Variants in NEDD4L observed in about 807,000 individuals in gnomAD.
NEDD4L encodes NEDD4 like E3 ubiquitin protein ligase.
Under a neutral mutation model 148.9 loss-of-function variants are expected in NEDD4L, and 54 were observed. The ratio of observed to expected loss-of-function variants is 0.36; its 90% CI spans 0.29 to 0.45. The LOEUF (loss-of-function observed/expected upper bound fraction) is 0.45. Ranked by LOEUF, NEDD4L falls within the 20% of genes least tolerant of loss-of-function variation. NEDD4L has a pLI of 1.00. For missense variants in NEDD4L, 856 were observed against 1,233.8 expected (o/e 0.69, Z 4.59); for synonymous variants, 433 against 440.7 (o/e 0.98, Z 0.22).
At chr18:58,276,127 T>A (rs1186221441) in intron 5 of NEDD4L, among the ~76,000 whole-genome samples, 2 of 152,156 alleles carry the variant, frequency 1.3e-5, no homozygotes, top group African/African-American at 4.8e-5. Context: ...ATTTGCAGTT[T>A]TTAAAACAAC....
At chr18:58,225,245 C>CT (rs1200613634) in intron 2 of NEDD4L, among the ~76,000 whole-genome samples, 1 of 152,094 alleles carries the variant, frequency 6.6e-6, no homozygotes, top group Admixed American at 6.5e-5. Context: ...AGAGATATTG[C>CT]CATTAAAAGT....
intron 2 of NEDD4L, among the ~76,000 whole-genome samples, chr18:58,213,859 A>G (rs1177625523): frequency 6.6e-6 from 1 of 151,926 alleles, no homozygotes; most frequent in African/African-American, 2.4e-5. Context: ...TCTTTGGTTT[A>G]TTCTGAGACC....
chr18:58,050,526 C>T (rs772105631), intron 1 of NEDD4L, among the ~76,000 whole-genome samples: 2 of 151,856 alleles, frequency 1.3e-5, no homozygotes, highest in Non-Finnish European at 2.9e-5. Flanking sequence ...TTTGGGAGGC[C>T]GAGGCTGGAG....
intron 1 of NEDD4L, among the ~76,000 whole-genome samples, chr18:58,061,938 T>C (rs2082354042): frequency 4.0e-5 from 2 of 50,610 alleles, no homozygotes; most frequent in Non-Finnish European, 9.8e-5. Context: ...CCACTTTTAC[T>C]GGTTATTTTC....
At chr18:58,062,936 C>T (rs369140137) in intron 1 of NEDD4L, among the ~76,000 whole-genome samples, 2 of 147,232 alleles carry the variant, frequency 1.4e-5, no homozygotes, top group South Asian at 2.1e-4. Flanking sequence ...TGCAGTTAGC[C>T]GAGATTGTGC....
At chr18:58,265,548 G>A (rs1479901503) in intron 5 of NEDD4L, among the ~76,000 whole-genome samples, 1 of 151,980 alleles carries the variant, frequency 6.6e-6, no homozygotes, top group Non-Finnish European at 1.5e-5. Flanking sequence ...CTGGAACAGA[G>A]AGGATGAAGC....
At chr18:58,316,110 G>C in intron 6 of NEDD4L, 78 bp downstream of exon 6, 1 of 1,185,772 alleles carries the variant, frequency 8.4e-7, no homozygotes, top group Non-Finnish European at 1.2e-6. Flanking sequence ...TATTTTCAGA[G>C]TGGCATTTCT....
At chr18:58,123,771 C>CT (rs1163514284) in intron 1 of NEDD4L, among the ~76,000 whole-genome samples, 3 of 152,048 alleles carry the variant, frequency 2.0e-5, no homozygotes, top group Non-Finnish European at 2.9e-5. Flanking sequence ...GGAAAGAAGC[C>CT]GTTCAGTCAG....
intron 1 of NEDD4L, among the ~76,000 whole-genome samples, chr18:58,138,299 A>C (rs1048688494): frequency 1.4e-5 from 2 of 139,610 alleles, no homozygotes; most frequent in Middle Eastern, 3.8e-3. Context: ...ATGCTGAGGC[A>C]TTGCTGGGTG....
chr18:58,235,292 TTA>T (rs900761298), intron 2 of NEDD4L, among the ~76,000 whole-genome samples: 1 of 152,178 alleles, frequency 6.6e-6, no homozygotes, highest in Non-Finnish European at 1.5e-5. Flanking sequence ...TTATTGTTGC[TTA>T]CTCACTTGAA....
chr18:58,081,256 T>C (rs1460132827), intron 1 of NEDD4L, among the ~76,000 whole-genome samples: 3 of 143,336 alleles, frequency 2.1e-5, no homozygotes, highest in Non-Finnish European at 1.5e-5. Flanking sequence ...CGCTCTGTCG[T>C]CTGGGCTGGA....
intron 1 of NEDD4L, among the ~76,000 whole-genome samples, chr18:58,137,313 CTGTG>C (rs2032957983): frequency 6.6e-6 from 1 of 152,182 alleles, no homozygotes; most frequent in African/African-American, 2.4e-5. Context: ...GAAATGAGTT[CTGTG>C]TGTTTTTCAG....
rs574870065 is a variant in NEDD4L, at chr18:58,193,313, C to A, written c.122+27452C>A. Among the ~76,000 whole-genome samples, 11 of 152,258 alleles carry A rather than the reference C, an allele frequency of 7.2e-5. No individual in the cohort carries two copies. In the East Asian group the frequency reaches 2.1e-3, roughly 29 times the overall value. On this transcript the variant is annotated intron_variant, in intron 2 of 30. Transcript: ENST00000400345. ...GGGTAATGGAAGTAAGAGACAGGAC[C>A]TTTTATGTGGTATGAAGTTCTGTGA...
chr18:58,052,811 C>G (rs1330361827), intron 1 of NEDD4L, among the ~76,000 whole-genome samples: 1 of 152,066 alleles, frequency 6.6e-6, no homozygotes, highest in African/African-American at 2.4e-5. Flanking sequence ...ACTAAAAATA[C>G]AAAAATTAGC....
intron 1 of NEDD4L, among the ~76,000 whole-genome samples, chr18:58,143,435 G>A (rs549593745): frequency 3.9e-5 from 6 of 152,310 alleles, no homozygotes; most frequent in African/African-American, 1.2e-4. Flanking sequence ...TTGAAAGGGG[G>A]CCATTTAGTT....
At chr18:58,278,585 C>A (rs762262434) in intron 5 of NEDD4L, among the ~76,000 whole-genome samples, 1 of 152,156 alleles carries the variant, frequency 6.6e-6, no homozygotes, top group Non-Finnish European at 1.5e-5. Context: ...CCAGCGTGTC[C>A]CCACACCCAC....
chr18:58,262,357 G>A (rs1486339866), intron 5 of NEDD4L, among the ~76,000 whole-genome samples: 1 of 152,164 alleles, frequency 6.6e-6, no homozygotes, highest in Non-Finnish European at 1.5e-5. Flanking sequence ...GGCTGGGCAC[G>A]GAGGCTCATG....
intron 1 of NEDD4L, among the ~76,000 whole-genome samples, chr18:58,143,601 A>C (rs1046425502): frequency 6.6e-6 from 1 of 152,248 alleles, no homozygotes; most frequent in African/African-American, 2.4e-5. Context: ...AGAGCGCAGC[A>C]GGATGTTTAT....
intron 2 of NEDD4L, among the ~76,000 whole-genome samples, chr18:58,244,916 G>A (rs903887283): frequency 3.3e-5 from 5 of 152,092 alleles, no homozygotes; most frequent in African/African-American, 4.8e-5. Flanking sequence ...GGCTGGTCTT[G>A]AACTCCTGAC....
Sources: allele counts gnomAD v4.1 joint callset (sites outside exome capture counted in the v4.1 genomes callset), GRCh38; gene constraint gnomAD v4.1.1; transcripts MANE v1.5; gene names NCBI Gene and HGNC (gene_info 2026-07-23, HGNC 2026-07-21).